Variants in ATP10A observed in about 807,000 individuals in gnomAD.
ATP10A encodes the protein phospholipid-transporting ATPase VA.
ATP10A carries 111 observed loss-of-function variants against 147.8 expected under a neutral mutation model. The ratio of observed to expected loss-of-function variants is 0.75; its 90% CI spans 0.64 to 0.88. The LOEUF (loss-of-function observed/expected upper bound fraction) is 0.88. ATP10A is among the 40% of genes least tolerant of loss of function. The pLI is 0.00. For missense variants in ATP10A, 1,927 were observed against 1,959.0 expected, an observed-to-expected ratio of 0.98 and a Z score of 0.31; for synonymous variants, 875 against 841.6, an observed-to-expected ratio of 1.04 and a Z score of -0.69.
intron 2 of ATP10A, among the ~76,000 whole-genome samples, chr15:25,775,002 T>C (rs752027666): frequency 2.0e-5 from 3 of 152,200 alleles, no homozygotes; most frequent in Non-Finnish European, 4.4e-5. Flanking sequence ...GAGAAAAACA[T>C]GGAAGCCTCT....
At chr15:25,711,711 C>T (rs1249603417) in intron 10 of ATP10A, among the ~76,000 whole-genome samples, 11 of 152,158 alleles carry the variant, frequency 7.2e-5, no homozygotes. Context: ...CTGGCCCTTC[C>T]ATGATGCCAT....
chr15:25,697,205 T>A (rs1049447676), intron 13 of ATP10A, among the ~76,000 whole-genome samples: 1 of 152,186 alleles, frequency 6.6e-6, no homozygotes, highest in Admixed American at 6.5e-5. Context: ...AGTTCCAAGG[T>A]GACCTCTGGA....
At chr15:25,848,844 G>A (rs1248849622) in intron 1 of ATP10A, 1 of 153,666 alleles carries the variant, frequency 6.5e-6, no homozygotes, top group Non-Finnish European at 1.5e-5. Context: ...GGGACCTAAG[G>A]GAGGGCAGTA....
chr15:25,687,590 G>T, intron 16 of ATP10A, 113 bp downstream of exon 16: 1 of 576,868 alleles, frequency 1.7e-6, no homozygotes, highest in Non-Finnish European at 2.2e-6. Flanking sequence ...GGAGGATGGA[G>T]CAGGTTGTCC....
At chr15:25,688,694 T>C (rs1240427448) in intron 15 of ATP10A, among the ~76,000 whole-genome samples, 2 of 152,218 alleles carry the variant, frequency 1.3e-5, no homozygotes, top group South Asian at 2.1e-4. Context: ...GGTTTCCCTA[T>C]ATTCAAATAA....
intron 13 of ATP10A, among the ~76,000 whole-genome samples, chr15:25,696,753 T>A (rs1388292567): frequency 6.6e-6 from 1 of 152,030 alleles, no homozygotes; most frequent in Non-Finnish European, 1.5e-5. Context: ...GCTTGAGGAG[T>A]GAAAAGGGGG....
chr15:25,840,054 C>T (rs565259320), intron 1 of ATP10A, among the ~76,000 whole-genome samples: 1 of 152,290 alleles, frequency 6.6e-6, no homozygotes, highest in East Asian at 1.9e-4. Context: ...TTCACCCCCT[C>T]CTGCATCCCT....
intron 1 of ATP10A, among the ~76,000 whole-genome samples, chr15:25,834,849 A>T (rs1892522193): frequency 6.6e-6 from 1 of 152,232 alleles, no homozygotes; most frequent in Admixed American, 6.5e-5. Context: ...TATGTGAACG[A>T]AACCAGTTAC....
chr15:25,718,744 G>C (rs993610624), intron 7 of ATP10A, among the ~76,000 whole-genome samples: 5 of 152,148 alleles, frequency 3.3e-5, no homozygotes, highest in Non-Finnish European at 7.4e-5. Context: ...AGGTGGCCGG[G>C]AGAGGGAGGC....
chr15:25,703,536 G>A (rs1022189034), intron 12 of ATP10A, among the ~76,000 whole-genome samples: 3 of 152,176 alleles, frequency 2.0e-5, no homozygotes, highest in Non-Finnish European at 2.9e-5. Flanking sequence ...AAATGTCTGT[G>A]GCTTAAGTCC....
intron 12 of ATP10A, among the ~76,000 whole-genome samples, chr15:25,705,354 A>G (rs1047070216): frequency 6.6e-6 from 1 of 150,976 alleles, no homozygotes; most frequent in Non-Finnish European, 1.5e-5. Context: ...GAGGATCACT[A>G]GAGCCCAGAA....
intron 5 of ATP10A, among the ~76,000 whole-genome samples, chr15:25,724,758 T>C (rs1459615595): frequency 1.3e-5 from 2 of 152,238 alleles, no homozygotes; most frequent in African/African-American, 4.8e-5. Flanking sequence ...ACCACCGCTG[T>C]GATGAAAGCA....
At chr15:25,798,597 A>G (rs115630321) in intron 1 of ATP10A, among the ~76,000 whole-genome samples, 2,049 of 152,294 alleles carry the variant, frequency 0.013, 47 homozygotes, top group African/African-American at 0.044. Flanking sequence ...ATGTCCAACC[A>G]AATGGCCAGG....
intron 12 of ATP10A, among the ~76,000 whole-genome samples, chr15:25,705,789 C>T (rs752135958): frequency 2.0e-5 from 3 of 152,208 alleles, no homozygotes; most frequent in Non-Finnish European, 2.9e-5. Context: ...CATCAAAAGG[C>T]GACGTGAGAT....
intron 1 of ATP10A, among the ~76,000 whole-genome samples, chr15:25,852,256 GAATGCCATCCTCCCTCCTGTTA>G (rs1324326430): frequency 4.0e-5 from 6 of 151,100 alleles, no homozygotes; most frequent in African/African-American, 1.2e-4. Flanking sequence ...CCCTCCTATT[GAATGCCATCCTCCCTCCTGTTA>G]AATGCCATCC....
chr15:25,691,980 G>A (rs535164055), intron 14 of ATP10A, among the ~76,000 whole-genome samples, 189 bp from the exon 15 acceptor site: 47 of 152,128 alleles, frequency 3.1e-4, no homozygotes, highest in Admixed American at 1.5e-3. Flanking sequence ...ATAAGCTAGC[G>A]ACACCAGGAG....
intron 2 of ATP10A, among the ~76,000 whole-genome samples, chr15:25,777,092 C>CCTGCATGTGTGT (rs1307153179): frequency 0.025 from 2,320 of 92,082 alleles, 59 homozygotes; most frequent in African/African-American, 0.075. Context: ...TGTGTGCATA[C>CCTGCATGTGTGT]GTGCGTGTGT....
Position 25,811,698 on chromosome 15 carries a change from CAG to C in ATP10A, c.450-30477_450-30476del, listed in dbSNP as rs1164881860. On this transcript the variant is annotated intron_variant, in intron 1 of 20. Transcript: ENST00000555815. ...TTGTGGGGAGAAAACGCTGGGAGCCCAGAGACACCACAGGCGTCAAGAGTCCA... is the reference window on the plus strand; with the variant it reads ...TTGTGGGGAGAAAACGCTGGGAGCCCAGACACCACAGGCGTCAAGAGTCCA... 2.0e-5 allele frequency among the ~76,000 whole-genome samples: 3 copies of C among 152,220 alleles called. No homozygotes were observed. In the East Asian group the frequency reaches 5.8e-4, roughly 29 times the overall value.
intron 3 of ATP10A, among the ~76,000 whole-genome samples, chr15:25,727,937 T>TAA (rs1902681368): frequency 6.6e-6 from 1 of 152,156 alleles, no homozygotes; most frequent in East Asian, 1.9e-4. Context: ...AGGACCGCCC[T>TAA]GGGACAGATA....
Sources: allele counts gnomAD v4.1 joint callset (sites outside exome capture counted in the v4.1 genomes callset), GRCh38; gene constraint gnomAD v4.1.1; transcripts MANE v1.5; gene names NCBI Gene and HGNC (gene_info 2026-07-23, HGNC 2026-07-21).